SNX29: variants seen among roughly 807,000 people sequenced by gnomAD.
SNX29 encodes the protein sorting nexin 29.
In SNX29, 78 loss-of-function variants were observed where a neutral mutation model predicts 102.1. The ratio of observed to expected loss-of-function variants is 0.76; its 90% CI spans 0.64 to 0.92. The LOEUF (loss-of-function observed/expected upper bound fraction) is 0.92, where lower values mean the gene tolerates loss of function less well. Among genes scored for constraint, SNX29 ranks in the 40% least tolerant of loss-of-function variants. The pLI is 0.00. For synonymous variants in SNX29, 580 were observed against 414.5 expected (o/e 1.40, Z -4.85); for missense variants, 1,280 against 1,061.7 (o/e 1.21, Z -2.86).
At chr16:12,238,262 G>A (rs915390309) in intron 14 of SNX29, among the ~76,000 whole-genome samples, 14 of 151,088 alleles carry the variant, frequency 9.3e-5, no homozygotes, top group Non-Finnish European at 1.5e-5. Context: ...GGGTAAGAAG[G>A]CCTTGGCCTC....
chr16:12,183,995 C>T (rs1319280946), intron 13 of SNX29, among the ~76,000 whole-genome samples: 2 of 152,166 alleles, frequency 1.3e-5, no homozygotes, highest in Non-Finnish European at 2.9e-5. Context: ...AAAAAATAAC[C>T]ATGACAATGG....
intron 13 of SNX29, among the ~76,000 whole-genome samples, chr16:12,184,315 T>G (rs1011438771): frequency 2.0e-5 from 3 of 152,230 alleles, no homozygotes; most frequent in African/African-American, 7.2e-5. Context: ...TATGTTAGCT[T>G]CAGCTGGATG....
At chr16:12,084,088 T>C (rs2052041639) in intron 11 of SNX29, among the ~76,000 whole-genome samples, 1 of 152,174 alleles carries the variant, frequency 6.6e-6, no homozygotes, top group African/African-American at 2.4e-5. Flanking sequence ...ATGATTGTTC[T>C]CCTACTGCAA....
chr16:12,565,053 C>G (rs1436317301), intron 20 of SNX29, among the ~76,000 whole-genome samples: 1 of 152,034 alleles, frequency 6.6e-6, no homozygotes, highest in African/African-American at 2.4e-5. Context: ...GCTTCATTCC[C>G]CTGTAGCAAA....
At chr16:12,281,341 C>G (rs1001478706) in intron 15 of SNX29, among the ~76,000 whole-genome samples, 2 of 152,172 alleles carry the variant, frequency 1.3e-5, no homozygotes, top group Non-Finnish European at 2.9e-5. Context: ...ACTCATCTAT[C>G]TGCACATACA....
At chr16:12,558,227 T>A (rs1432068506) in intron 20 of SNX29, among the ~76,000 whole-genome samples, 1 of 19,018 alleles carries the variant, frequency 5.3e-5, no homozygotes, top group Non-Finnish European at 3.1e-4. Context: ...AGAGCCTCTC[T>A]TCAGCCCCCC....
chr16:12,047,504 C>G (rs1299376566), intron 6 of SNX29, among the ~76,000 whole-genome samples: 1 of 152,094 alleles, frequency 6.6e-6, no homozygotes, highest in Non-Finnish European at 1.5e-5. Context: ...TGATGTTAAC[C>G]AGTGCACATT....
At chr16:12,356,376 C>G (rs1245881007) in intron 16 of SNX29, 97 bp downstream of exon 16, 56 of 1,132,022 alleles carry the variant, frequency 4.9e-5, no homozygotes, top group Non-Finnish European at 7.0e-5. Context: ...ACCATGCATC[C>G]ACTGGCCAGA....
At chr16:12,542,964 A>T (rs540013375) in intron 20 of SNX29, among the ~76,000 whole-genome samples, 98 of 152,218 alleles carry the variant, frequency 6.4e-4, no homozygotes, top group Non-Finnish European at 1.1e-3. Context: ...AGCAGAAAAG[A>T]AGTACTTACT....
In SNX29 at chr16:12,571,264, T is replaced by C. The variant is rs2079181673; in HGVS notation, c.*2635T>C. ...GCAGAAACACCCAGGCCTAGCAGAA[T>C]TGTGGCTGAAACCTGGTGCCCAAAT... is the stretch of plus-strand genomic sequence containing the variant. On this transcript the variant is annotated 3_prime_UTR_variant, in exon 21 of 21. Transcript: ENST00000566228. 4.3e-6 allele frequency: 1 copy of C among 232,072 alleles called. No homozygotes were observed. The highest frequency in any genetic ancestry group is 8.5e-6 in the Non-Finnish European group (1 of 117,306). 14.4% of individuals were successfully genotyped at this position (232,072 alleles called of 1,614,324 possible). A position where few individuals can be genotyped will look rare whatever the true frequency, so the allele number is the denominator to read the frequency against.
intron 16 of SNX29, among the ~76,000 whole-genome samples, chr16:12,383,992 T>C (rs115872230): frequency 6.6e-6 from 1 of 152,210 alleles, no homozygotes; most frequent in Non-Finnish European, 1.5e-5. Flanking sequence ...CTGTGCTTGT[T>C]GTATTTCACT....
intron 14 of SNX29, among the ~76,000 whole-genome samples, chr16:12,258,759 T>TACCTCAC (rs1290332874): frequency 6.6e-6 from 1 of 152,104 alleles, no homozygotes; most frequent in Non-Finnish European, 1.5e-5. Flanking sequence ...GTGGAACTTG[T>TACCTCAC]AAGGGTTTGT....
intron 15 of SNX29, among the ~76,000 whole-genome samples, chr16:12,319,951 G>T (rs991066674): frequency 6.6e-6 from 1 of 152,312 alleles, no homozygotes; most frequent in African/African-American, 2.4e-5. Flanking sequence ...AGAAACCCGA[G>T]TAGGTTGTGG....
At chr16:12,008,332 C>T (rs545131405) in intron 3 of SNX29, among the ~76,000 whole-genome samples, 5 of 152,160 alleles carry the variant, frequency 3.3e-5, no homozygotes, top group East Asian at 3.9e-4. Flanking sequence ...TGCAATGGCG[C>T]GATCTTGGCT....
At chr16:11,984,552 C>T (rs1007692156) in intron 1 of SNX29, among the ~76,000 whole-genome samples, 10 of 152,088 alleles carry the variant, frequency 6.6e-5, no homozygotes, top group African/African-American at 2.4e-4. Context: ...CATCATTTTG[C>T]ATGTAGTACA....
In SNX29 at chr16:12,051,939, G is replaced by T. The variant is rs755260559; in HGVS notation, c.841G>T (p.Val281Leu). ...DEEDEQNSGD[V>L]FKKTPGAGES... ...GGAAGATGAGCAGAACTCTGGGGAC[G>T]TGTTTAAAAAGACACCTGGGGCAGG... The change falls in exon 8 of 21, where the codon GTG becomes TTG. Residue 281 changes from valine to leucine, a missense_variant. Physicochemically the swap from Val to Leu is conservative, Grantham distance 32. Transcript: ENST00000566228. 3.7e-6 allele frequency: 6 copies of T among 1,613,768 alleles called. No homozygotes were observed. In the South Asian group the frequency reaches 6.6e-5, roughly 18 times the overall value.
chr16:12,180,489 T>C (rs2076357035), intron 13 of SNX29, among the ~76,000 whole-genome samples: 1 of 151,914 alleles, frequency 6.6e-6, no homozygotes, highest in Admixed American at 6.6e-5. Context: ...CTTCTCTGTC[T>C]CTTTTTTTTT....
chr16:12,467,912 G>A (rs922116275), intron 18 of SNX29, among the ~76,000 whole-genome samples: 1 of 152,150 alleles, frequency 6.6e-6, no homozygotes, highest in Non-Finnish European at 1.5e-5. Flanking sequence ...GCTGTCCAGG[G>A]ACAGGGCACT....
intron 20 of SNX29, chr16:12,546,545 C>G (rs2077617535): frequency 6.6e-6 from 1 of 152,196 alleles, no homozygotes; most frequent in African/African-American, 2.4e-5. Context: ...TCCCATGATA[C>G]ATGGGAATTC....
Sources: gnomAD v4.1 joint callset for allele counts (sites outside exome capture counted in the v4.1 genomes callset) on GRCh38, gnomAD v4.1.1 for gene constraint, MANE v1.5 for transcripts, NCBI Gene and HGNC (gene_info 2026-07-23, HGNC 2026-07-21) for gene names.